Variants in PLXDC2 observed in about 807,000 individuals in gnomAD.
PLXDC2 encodes plexin domain-containing protein 2.
In PLXDC2, 40 loss-of-function variants were observed where a neutral mutation model predicts 68.9. That is an observed-to-expected ratio of 0.58 (90% CI 0.45 to 0.76). The LOEUF (loss-of-function observed/expected upper bound fraction) is 0.76. Among genes scored for constraint, PLXDC2 ranks in the 30% least tolerant of loss-of-function variants. The pLI, the probability that PLXDC2 is intolerant of heterozygous loss-of-function variation, is 0.00. For missense variants in PLXDC2, 644 were observed against 661.9 expected, an observed-to-expected ratio of 0.97 and a Z score of 0.30; for synonymous variants, 243 against 234.2, an observed-to-expected ratio of 1.04 and a Z score of -0.34.
At chr10:19,928,212 G>A (rs113052182) in intron 1 of PLXDC2, among the ~76,000 whole-genome samples, 4,426 of 152,202 alleles carry the variant, frequency 0.029, 213 homozygotes, top group African/African-American at 0.1. Flanking sequence ...CACTTAGGTT[G>A]ATTCCATATC....
At chr10:19,954,687 G>C (rs973890780) in intron 1 of PLXDC2, among the ~76,000 whole-genome samples, 31 of 152,100 alleles carry the variant, frequency 2.0e-4, no homozygotes, top group African/African-American at 7.2e-4. Context: ...TTTTAACTTA[G>C]ACTGATGTTT....
At chr10:19,966,518 C>A (rs1266373606) in intron 1 of PLXDC2, among the ~76,000 whole-genome samples, 1 of 132,770 alleles carries the variant, frequency 7.5e-6, no homozygotes, top group Non-Finnish European at 1.6e-5. Context: ...AGAAATAGAT[C>A]CATATCATAA....
intron 3 of PLXDC2, among the ~76,000 whole-genome samples, chr10:20,061,013 A>G (rs947602171): frequency 6.6e-6 from 1 of 152,162 alleles, no homozygotes; most frequent in Non-Finnish European, 1.5e-5. Flanking sequence ...GTTTTGAAAT[A>G]ATTTCAGACT....
intron 1 of PLXDC2, among the ~76,000 whole-genome samples, chr10:19,895,057 GAA>G (rs1414719020): frequency 6.6e-6 from 1 of 152,154 alleles, no homozygotes; most frequent in African/African-American, 2.4e-5. Flanking sequence ...ACTGGATAAA[GAA>G]AATGTGGCAC....
chr10:19,900,482 A>G (rs11011664), intron 1 of PLXDC2, among the ~76,000 whole-genome samples: 12,716 of 152,172 alleles, frequency 0.084, 569 homozygotes, highest in South Asian at 0.12. Context: ...TGAGGAAAAA[A>G]AGCAAACACT....
chr10:19,890,359 C>T (rs1837931952), intron 1 of PLXDC2, among the ~76,000 whole-genome samples: 1 of 152,098 alleles, frequency 6.6e-6, no homozygotes, highest in African/African-American at 2.4e-5. Context: ...AGGTACTGAG[C>T]ATAGTACCCA....
At chr10:19,951,740 C>A (rs988098630) in intron 1 of PLXDC2, among the ~76,000 whole-genome samples, 16 of 152,148 alleles carry the variant, frequency 1.1e-4, no homozygotes, top group Non-Finnish European at 2.1e-4. Flanking sequence ...GATGTGGAAT[C>A]AATTCAGGTG....
chr10:20,008,338 T>A (rs1835060217), intron 2 of PLXDC2, among the ~76,000 whole-genome samples: 1 of 152,116 alleles, frequency 6.6e-6, no homozygotes, highest in Non-Finnish European at 1.5e-5. Context: ...GTGGACCACT[T>A]GAGGTCAGGA....
chr10:19,835,466 C>T (rs919533473), intron 1 of PLXDC2, among the ~76,000 whole-genome samples: 3 of 152,140 alleles, frequency 2.0e-5, no homozygotes, highest in African/African-American at 4.8e-5. Flanking sequence ...TTGGCGAGTA[C>T]TGAGGTGCTC....
chr10:20,229,915 C>G (rs1835338051), intron 12 of PLXDC2, among the ~76,000 whole-genome samples: 1 of 151,986 alleles, frequency 6.6e-6, no homozygotes, highest in African/African-American at 2.4e-5. Context: ...AACATACTCA[C>G]CAGCCACTAA....
At chr10:20,067,093 T>TAA (rs998163801) in intron 3 of PLXDC2, among the ~76,000 whole-genome samples, 7 of 152,276 alleles carry the variant, frequency 4.6e-5, no homozygotes, top group Admixed American at 4.6e-4. Flanking sequence ...TTCAAACATA[T>TAA]AAAAAAGATT....
chr10:20,171,505 A>G (rs1834445365), intron 7 of PLXDC2, among the ~76,000 whole-genome samples: 1 of 152,184 alleles, frequency 6.6e-6, no homozygotes. Flanking sequence ...TACTCATAAA[A>G]CACTTCCAAG....
chr10:19,818,225 C>A (rs1257824502), intron 1 of PLXDC2, among the ~76,000 whole-genome samples: 1 of 126,606 alleles, frequency 7.9e-6, no homozygotes, highest in Non-Finnish European at 1.6e-5. Context: ...TTGTTCTTTT[C>A]TGGTGTGTGT....
chr10:20,036,150 AC>A (rs997625989), intron 2 of PLXDC2, among the ~76,000 whole-genome samples: 8 of 151,974 alleles, frequency 5.3e-5, no homozygotes, highest in Admixed American at 2.0e-4. Context: ...CTAACGTTGT[AC>A]CCCCCGCCCA....
intron 9 of PLXDC2, among the ~76,000 whole-genome samples, chr10:20,191,863 C>T (rs1834770131): frequency 6.6e-6 from 1 of 151,790 alleles, no homozygotes; most frequent in Admixed American, 6.6e-5. Context: ...TAAGAAAGGA[C>T]GGGAGGGCTG....
intron 1 of PLXDC2, among the ~76,000 whole-genome samples, chr10:19,939,500 CA>C (rs200570148): frequency 2.2e-4 from 33 of 149,084 alleles, no homozygotes; most frequent in African/African-American, 7.6e-4. Context: ...TCCAAGATGC[CA>C]AAAAAAAAGA....
At chr10:20,067,745 C>T (rs896545970) in intron 3 of PLXDC2, among the ~76,000 whole-genome samples, 5 of 151,526 alleles carry the variant, frequency 3.3e-5, no homozygotes, top group South Asian at 2.1e-4. Flanking sequence ...CATCTTCTTC[C>T]GTGAAACTGC....
chr10:20,169,126 C>T lies in PLXDC2; in HGVS notation c.883+4559C>T, dbSNP rs190652028. Reference sequence around the variant, plus strand: ...TTACATAGTTTGCATCGCATATTATCAGTAAAATGGTGCTAAACGTCCTTG... The same window carrying T: ...TTACATAGTTTGCATCGCATATTATTAGTAAAATGGTGCTAAACGTCCTTG... On this transcript the variant is annotated intron_variant, in intron 7 of 13. Transcript: ENST00000377252. Among the ~76,000 whole-genome samples, 88 of 152,232 alleles carry T rather than the reference C, an allele frequency of 5.8e-4. 2 individuals are homozygous for T. In the Middle Eastern group the frequency reaches 0.02, roughly 35 times the overall value.
chr10:20,238,737 A>G (rs1166831604), intron 12 of PLXDC2, among the ~76,000 whole-genome samples: 13 of 121,850 alleles, frequency 1.1e-4, no homozygotes, highest in African/African-American at 4.0e-4. Flanking sequence ...ATACATATAT[A>G]TATGTGTGTA....
Sources: gnomAD v4.1 joint callset for allele counts (sites outside exome capture counted in the v4.1 genomes callset) on GRCh38, gnomAD v4.1.1 for gene constraint, MANE v1.5 for transcripts, NCBI Gene and HGNC (gene_info 2026-07-23, HGNC 2026-07-21) for gene names.